The following R3HDM1 variants were observed in gnomAD, a reference collection of about 807,000 sequenced individuals.
R3HDM1 encodes R3H domain containing 1, also known as R3H domain-containing protein 1.
In R3HDM1, 46 loss-of-function variants were observed where a neutral mutation model predicts 141.1. The observed-to-expected ratio is 0.33, with a 90% confidence interval of 0.26 to 0.42. R3HDM1 has a LOEUF of 0.42. Ranked by LOEUF, R3HDM1 falls within the 10% of genes least tolerant of loss-of-function variation. R3HDM1 has a pLI of 1.00. For missense variants in R3HDM1, 1,184 were observed against 1,368.3 expected (o/e 0.87, Z 2.12); for synonymous variants, 435 against 472.9 (o/e 0.92, Z 1.04).
At chr2:135,581,239 T>G in intron 1 of R3HDM1, 1 of 985,376 alleles carries the variant, frequency 1.0e-6, no homozygotes, top group African/African-American at 1.7e-5. Context: ...ATGAAGAAAG[T>G]GGGGTATAAG....
At chr2:135,692,171 A>G (rs2072505228) in intron 21 of R3HDM1, among the ~76,000 whole-genome samples, 1 of 151,862 alleles carries the variant, frequency 6.6e-6, no homozygotes, top group Admixed American at 6.6e-5. Flanking sequence ...CAGCCTCCCA[A>G]AGTGCTGGGA....
At chr2:135,626,209 G>GTGCTTGCT (rs56860646) in intron 7 of R3HDM1, among the ~76,000 whole-genome samples, 91 of 143,448 alleles carry the variant, frequency 6.3e-4, no homozygotes, top group African/African-American at 1.4e-3. Flanking sequence ...GCGTGCGTGC[G>GTGCTTGCT]TGCTTGCTTG....
chr2:135,680,747 G>A (rs1188462775), intron 21 of R3HDM1, among the ~76,000 whole-genome samples: 2 of 152,212 alleles, frequency 1.3e-5, no homozygotes, highest in East Asian at 3.8e-4. Flanking sequence ...TCCAGCCTGG[G>A]CAACAAGAGT....
intron 24 of R3HDM1, among the ~76,000 whole-genome samples, chr2:135,720,573 G>A (rs2076605617): frequency 6.6e-6 from 1 of 152,226 alleles, no homozygotes; most frequent in African/African-American, 2.4e-5. Context: ...GTGATAGAAA[G>A]CAATTGGAAG....
intron 1 of R3HDM1, chr2:135,597,277 T>G: frequency 1.0e-6 from 1 of 977,618 alleles, no homozygotes. Flanking sequence ...TTCATTCTCT[T>G]TACTCTTTTT....
chr2:135,706,364 T>A (rs879309784), intron 21 of R3HDM1, among the ~76,000 whole-genome samples: 5 of 136,734 alleles, frequency 3.7e-5, no homozygotes, highest in Non-Finnish European at 7.7e-5. Context: ...TATCCATAGT[T>A]TTGTTTTTGT....
intron 1 of R3HDM1, among the ~76,000 whole-genome samples, chr2:135,540,720 G>C (rs1697301532): frequency 6.6e-6 from 1 of 152,040 alleles, no homozygotes; most frequent in Non-Finnish European, 1.5e-5. Flanking sequence ...GCCCACAAAT[G>C]TTGTTAATGG....
At chr2:135,626,173 C>CTGCT (rs1337207799) in intron 7 of R3HDM1, among the ~76,000 whole-genome samples, 2 of 145,218 alleles carry the variant, frequency 1.4e-5, no homozygotes, top group African/African-American at 2.6e-5. Flanking sequence ...CACTGTAGAA[C>CTGCT]TGCTTGCTTG....
chr2:135,659,071 G>GTGTGTGTGTGTGTGTGTA (rs1553607678), intron 18 of R3HDM1, among the ~76,000 whole-genome samples: 7 of 150,460 alleles, frequency 4.7e-5, no homozygotes, highest in African/African-American at 1.5e-4. Context: ...GTGTGTGTGT[G>GTGTGTGTGTGTGTGTGTA]TGTGTGTGTG....
chr2:135,634,099 A>C (rs1310885548), intron 9 of R3HDM1, among the ~76,000 whole-genome samples: 1 of 152,202 alleles, frequency 6.6e-6, no homozygotes, highest in Non-Finnish European at 1.5e-5. Flanking sequence ...ACCCTTGAAG[A>C]AAATACTCTT....
intron 7 of R3HDM1, among the ~76,000 whole-genome samples, chr2:135,626,217 T>G (rs574224408): frequency 4.9e-5 from 7 of 143,428 alleles, no homozygotes; most frequent in Admixed American, 4.0e-4. Context: ...GCGTGCTTGC[T>G]TGCTTGCTTG....
At chr2:135,623,919 G>A (rs558118077) in intron 7 of R3HDM1, among the ~76,000 whole-genome samples, 3 of 152,330 alleles carry the variant, frequency 2.0e-5, no homozygotes, top group Non-Finnish European at 4.4e-5. Context: ...TTTGGAATAT[G>A]TCACTGAAAA....
intron 1 of R3HDM1, among the ~76,000 whole-genome samples, chr2:135,552,356 T>G (rs2104931769): frequency 6.6e-6 from 1 of 152,116 alleles, no homozygotes; most frequent in East Asian, 1.9e-4. Flanking sequence ...CCACCACACC[T>G]GGCTCATTTT....
At chr2:135,601,275 G>A (rs921397894) in intron 1 of R3HDM1, among the ~76,000 whole-genome samples, 2 of 152,100 alleles carry the variant, frequency 1.3e-5, no homozygotes, top group African/African-American at 4.8e-5. Flanking sequence ...TTTGATATTT[G>A]TTTTTGATAC....
intron 19 of R3HDM1, among the ~76,000 whole-genome samples, chr2:135,670,728 A>T (rs2068214340): frequency 6.6e-6 from 1 of 152,006 alleles, no homozygotes; most frequent in Non-Finnish European, 1.5e-5. Context: ...TTTATGCTCT[A>T]TAAGGTTTTT....
At chr2:135,558,268 C>T (rs1701149015) in intron 1 of R3HDM1, among the ~76,000 whole-genome samples, 2 of 152,292 alleles carry the variant, frequency 1.3e-5, no homozygotes, top group South Asian at 4.2e-4. Flanking sequence ...TGAAATGTGT[C>T]TAGTGTAACT....
chr2:135,532,331 A>G (rs1191958877), intron 1 of R3HDM1, among the ~76,000 whole-genome samples: 1 of 152,254 alleles, frequency 6.6e-6, no homozygotes, highest in Admixed American at 6.5e-5. Flanking sequence ...TTAGGCTGCC[A>G]ACAAATCTTT....
At chr2:135,596,126 G>A (rs182685318) in intron 1 of R3HDM1, among the ~76,000 whole-genome samples, 120 of 152,228 alleles carry the variant, frequency 7.9e-4, no homozygotes, top group Non-Finnish European at 1.3e-3. Context: ...AGCCTTCTGA[G>A]TAGCTGGGAT....
intron 1 of R3HDM1, among the ~76,000 whole-genome samples, chr2:135,547,885 T>G (rs1699071783): frequency 6.7e-6 from 1 of 149,968 alleles, no homozygotes; most frequent in Admixed American, 6.7e-5. Context: ...GTGATTCTCC[T>G]GCCTCAGCCT....
Sources: allele counts gnomAD v4.1 joint callset (sites outside exome capture counted in the v4.1 genomes callset), GRCh38; gene constraint gnomAD v4.1.1; transcripts MANE v1.5; gene names NCBI Gene and HGNC (gene_info 2026-07-23, HGNC 2026-07-21).